The following SORCS3 variants were observed in gnomAD, a reference collection of about 807,000 sequenced individuals.
The protein encoded by SORCS3 is sortilin related VPS10 domain containing receptor 3, also known as VPS10 domain-containing receptor SorCS3.
A neutral mutation model predicts 146.3 loss-of-function variants in SORCS3; 57 were observed. The observed-to-expected ratio is 0.39, with a 90% CI of 0.31 to 0.49. SORCS3 has a LOEUF of 0.49. Ranked by LOEUF, SORCS3 falls within the 20% of genes least tolerant of loss-of-function variation. The pLI is 0.92. For missense variants in SORCS3, 1,341 were observed against 1,575.5 expected (o/e 0.85, Z 2.52); for synonymous variants, 653 against 618.5 (o/e 1.06, Z -0.83).
intron 5 of SORCS3, among the ~76,000 whole-genome samples, chr10:105,084,520 A>C (rs1013178091): frequency 6.6e-6 from 1 of 152,168 alleles, no homozygotes; most frequent in African/African-American, 2.4e-5. Context: ...CTTTAAGACG[A>C]GGGACCTGAT....
At chr10:105,087,152 G>A (rs1589625632) in intron 5 of SORCS3, among the ~76,000 whole-genome samples, 1 of 152,086 alleles carries the variant, frequency 6.6e-6, no homozygotes, top group South Asian at 2.1e-4. Context: ...CATGTGGCTC[G>A]CCTGTTTTCC....
At chr10:104,702,809 G>C (rs1342500350) in intron 1 of SORCS3, among the ~76,000 whole-genome samples, 1 of 152,154 alleles carries the variant, frequency 6.6e-6, no homozygotes, top group Non-Finnish European at 1.5e-5. Flanking sequence ...GTGACCCTGA[G>C]CAAACCACTT....
rs146650274 is a variant in SORCS3, at chr10:104,697,993, G to A, written c.627+56039G>A. On this transcript the variant is annotated intron_variant, in intron 1 of 26. Transcript: ENST00000369701. The stretch of plus-strand genomic sequence containing the variant: ...CATGGATGCTGCCTGCACCTGTTGT[G>A]CTTTATCAAAGAGTGACTTTTAAGT... 5.9e-3 allele frequency among the ~76,000 whole-genome samples: 905 copies of A among 152,186 alleles called. 7 individuals are homozygous for A. The highest frequency in any genetic ancestry group is 0.02 in the African/African-American group (831 of 41,522).
intron 9 of SORCS3, among the ~76,000 whole-genome samples, chr10:105,152,069 T>A (rs1300726975): frequency 6.6e-6 from 1 of 152,158 alleles, no homozygotes; most frequent in African/African-American, 2.4e-5. Flanking sequence ...TTTTAATTAC[T>A]CTCCCTAATA....
At chr10:105,029,012 A>G (rs910408585) in intron 4 of SORCS3, among the ~76,000 whole-genome samples, 2 of 152,328 alleles carry the variant, frequency 1.3e-5, no homozygotes, top group East Asian at 3.9e-4. Flanking sequence ...AAGTGTGGCT[A>G]TGTTCCAATC....
chr10:104,952,995 G>T (rs545851493), intron 3 of SORCS3, among the ~76,000 whole-genome samples: 1 of 152,290 alleles, frequency 6.6e-6, no homozygotes, highest in Non-Finnish European at 1.5e-5. Flanking sequence ...CTAAAACATA[G>T]GCTCTTCAGA....
At chr10:104,829,215 C>T (rs1041119573) in intron 1 of SORCS3, among the ~76,000 whole-genome samples, 1 of 152,154 alleles carries the variant, frequency 6.6e-6, no homozygotes, top group Non-Finnish European at 1.5e-5. Context: ...CCTGAGGAAG[C>T]ATGTAACCTA....
At chr10:104,838,169 G>T (rs114596229) in intron 1 of SORCS3, among the ~76,000 whole-genome samples, 393 of 152,144 alleles carry the variant, frequency 2.6e-3, no homozygotes, top group African/African-American at 9.1e-3. Context: ...CTCATTCTGG[G>T]GCCATCAGCT....
chr10:104,747,241 A>G (rs1670529838), intron 1 of SORCS3, among the ~76,000 whole-genome samples: 1 of 152,236 alleles, frequency 6.6e-6, no homozygotes, highest in African/African-American at 2.4e-5. Flanking sequence ...TCTGCTGATG[A>G]ACCAGCTGCT....
chr10:104,931,404 G>C (rs953395312), intron 3 of SORCS3, among the ~76,000 whole-genome samples: 1 of 152,182 alleles, frequency 6.6e-6, no homozygotes, highest in African/African-American at 2.4e-5. Context: ...GGCACTGGCA[G>C]CAGAAACGGC....
chr10:105,148,027 G>A (rs1372354414), intron 9 of SORCS3, among the ~76,000 whole-genome samples: 1 of 152,106 alleles, frequency 6.6e-6, no homozygotes, highest in African/African-American at 2.4e-5. Context: ...TGCATCTAGT[G>A]TAGTGGCTGA....
At chr10:104,948,707 G>A (rs2019398273) in intron 3 of SORCS3, among the ~76,000 whole-genome samples, 1 of 152,210 alleles carries the variant, frequency 6.6e-6, no homozygotes, top group Non-Finnish European at 1.5e-5. Flanking sequence ...GAAGATTACT[G>A]CGGATCTGAA....
intron 8 of SORCS3, among the ~76,000 whole-genome samples, chr10:105,143,880 C>T (rs1335913239): frequency 6.6e-6 from 1 of 152,128 alleles, no homozygotes; most frequent in African/African-American, 2.4e-5. Flanking sequence ...GAACCGGCTT[C>T]CTTGGTTCAG....
At chr10:105,069,593 C>T (rs1022101645) in intron 5 of SORCS3, among the ~76,000 whole-genome samples, 2 of 152,206 alleles carry the variant, frequency 1.3e-5, no homozygotes, top group East Asian at 3.9e-4. Flanking sequence ...TCAGACAGTG[C>T]TTGGCTCTGC....
intron 7 of SORCS3, among the ~76,000 whole-genome samples, chr10:105,122,133 T>G (rs1292450746): frequency 2.0e-5 from 3 of 152,208 alleles, no homozygotes; most frequent in Non-Finnish European, 2.9e-5. Flanking sequence ...AAAACAGCAG[T>G]GCTGATAATG....
chr10:104,824,452 A>T (rs1188116533), intron 1 of SORCS3, among the ~76,000 whole-genome samples: 1 of 152,202 alleles, frequency 6.6e-6, no homozygotes, highest in Non-Finnish European at 1.5e-5. Flanking sequence ...TCCCCTTAGT[A>T]CCAAGCATGA....
chr10:104,757,862 C>A (rs1057093045), intron 1 of SORCS3, among the ~76,000 whole-genome samples: 26 of 54,846 alleles, frequency 4.7e-4, no homozygotes, highest in African/African-American at 1.8e-3. Flanking sequence ...CCACCACCCC[C>A]CCCCCCACAC....
intron 5 of SORCS3, among the ~76,000 whole-genome samples, chr10:105,078,946 A>G (rs2055606242): frequency 7.0e-6 from 1 of 142,714 alleles, no homozygotes; most frequent in Non-Finnish European, 1.6e-5. Context: ...TTACAGTCTG[A>G]GATTGTATCT....
chr10:104,712,417 G>A (rs1055611518), intron 1 of SORCS3, among the ~76,000 whole-genome samples: 2 of 152,184 alleles, frequency 1.3e-5, no homozygotes, highest in African/African-American at 4.8e-5. Context: ...ACAAGCTTGA[G>A]TGAAATCAAA....
Sources: allele counts gnomAD v4.1 joint callset (sites outside exome capture counted in the v4.1 genomes callset), GRCh38; gene constraint gnomAD v4.1.1; transcripts MANE v1.5; gene names NCBI Gene and HGNC (gene_info 2026-07-23, HGNC 2026-07-21).